TRIM55: variants seen among roughly 807,000 people sequenced by gnomAD.
The protein encoded by TRIM55 is tripartite motif containing 55, also known as tripartite motif-containing protein 55.
TRIM55 carries 50 observed loss-of-function variants against 60.9 expected under a neutral mutation model. The ratio of observed to expected loss-of-function variants is 0.82; its 90% confidence interval spans 0.65 to 1.04. The LOEUF (loss-of-function observed/expected upper bound fraction) is 1.04. Ranked by LOEUF, TRIM55 falls within the 50% of genes least tolerant of loss-of-function variation. The pLI is 0.00. For synonymous variants in TRIM55, 237 were observed against 238.1 expected, an observed-to-expected ratio of 1.00 and a Z score of 0.04; for missense variants, 681 against 666.9, an observed-to-expected ratio of 1.02 and a Z score of -0.23.
At chr8:66,124,711 C>A (rs1160490181), upstream of TRIM55, among the ~76,000 whole-genome samples, 1 of 152,254 alleles carries the variant, frequency 6.6e-6, no homozygotes, top group Non-Finnish European at 1.5e-5. Flanking sequence ...CCACGTTATT[C>A]CTAAATAAGA....
At chr8:66,161,755 G>T (rs1259353315) in intron 9 of TRIM55, among the ~76,000 whole-genome samples, 6 of 132,144 alleles carry the variant, frequency 4.5e-5, no homozygotes, top group African/African-American at 5.7e-5. Context: ...TATTCCTAAG[G>T]TTTTTTTTTT....
chr8:66,145,025 A>G (rs186464843), intron 4 of TRIM55, among the ~76,000 whole-genome samples: 4,352 of 152,270 alleles, frequency 0.029, 79 homozygotes, highest in Non-Finnish European at 0.045. Flanking sequence ...GTGGCCTCTG[A>G]GAACATTTTT....
chr8:66,129,863 C>T (rs942593953), intron 2 of TRIM55, among the ~76,000 whole-genome samples: 2 of 152,220 alleles, frequency 1.3e-5, no homozygotes, highest in Non-Finnish European at 2.9e-5. Flanking sequence ...ACAAGAGTTT[C>T]AGTGCTAGTC....
At chr8:66,122,856 C>T (rs929991271), upstream of TRIM55, among the ~76,000 whole-genome samples, 5 of 152,208 alleles carry the variant, frequency 3.3e-5, no homozygotes, top group Non-Finnish European at 7.3e-5. Context: ...TCTAGTATAG[C>T]ATCGTATGAC....
chr8:66,159,899 C>T (rs1810952209), intron 9 of TRIM55, among the ~76,000 whole-genome samples: 1 of 152,146 alleles, frequency 6.6e-6, no homozygotes, highest in Admixed American at 6.5e-5. Flanking sequence ...GTTTATCTTC[C>T]TAGAAGTTCT....
chr8:66,159,340 ATTTG>A (rs886124116), intron 9 of TRIM55, among the ~76,000 whole-genome samples: 19 of 152,174 alleles, frequency 1.2e-4, no homozygotes, highest in African/African-American at 4.6e-4. Flanking sequence ...TGCTTCTGAG[ATTTG>A]TTTATTTTGT....
the TRIM55 span, among the ~76,000 whole-genome samples, chr8:66,120,950 C>G: frequency 6.6e-6 from 1 of 152,190 alleles, no homozygotes; most frequent in Non-Finnish European, 1.5e-5. Context: ...TCAGGACAGA[C>G]CATGCCCTTT....
chr8:66,145,405 A>G (rs867726430), intron 4 of TRIM55, among the ~76,000 whole-genome samples: 20 of 152,242 alleles, frequency 1.3e-4, no homozygotes, highest in Admixed American at 4.6e-4. Flanking sequence ...AAAGCTAATT[A>G]AACAAGAGAA....
chr8:66,151,021 A>C (rs1479819093), intron 7 of TRIM55, among the ~76,000 whole-genome samples: 2 of 152,236 alleles, frequency 1.3e-5, no homozygotes, highest in African/African-American at 4.8e-5. Context: ...CAAATGCTTC[A>C]TAATTGATAA....
At chr8:66,139,269 G>A (rs945224968) in intron 4 of TRIM55, among the ~76,000 whole-genome samples, 7 of 152,120 alleles carry the variant, frequency 4.6e-5, no homozygotes, top group African/African-American at 1.4e-4. Context: ...GGGCTTTACC[G>A]GAGATGTCTG....
intron 4 of TRIM55, among the ~76,000 whole-genome samples, chr8:66,137,756 C>G: frequency 1.0e-5 from 1 of 99,932 alleles, no homozygotes; most frequent in Non-Finnish European, 2.1e-5. Flanking sequence ...ATAATCAACA[C>G]TGAAAAAAAA....
intron 4 of TRIM55, among the ~76,000 whole-genome samples, chr8:66,143,686 A>G (rs1468245986): frequency 4.6e-5 from 7 of 152,126 alleles, no homozygotes; most frequent in African/African-American, 1.7e-4. Flanking sequence ...TGAAGGCTGA[A>G]TATTTCTAGA....
the TRIM55 span, among the ~76,000 whole-genome samples, chr8:66,119,543 G>A: frequency 6.6e-6 from 1 of 152,190 alleles, no homozygotes; most frequent in Non-Finnish European, 1.5e-5. Flanking sequence ...GAATCTTCAG[G>A]ATTCTTTGGG....
chr8:66,166,327 TGG>T (rs1413104378), intron 9 of TRIM55, among the ~76,000 whole-genome samples: 1 of 152,248 alleles, frequency 6.6e-6, no homozygotes, highest in Non-Finnish European at 1.5e-5. Flanking sequence ...AACACAGCTC[TGG>T]GAGAGCTCTC....
At chr8:66,116,690 A>T in the TRIM55 span, among the ~76,000 whole-genome samples, 1 of 70,304 alleles carries the variant, frequency 1.4e-5, no homozygotes, top group Non-Finnish European at 2.3e-5. Flanking sequence ...CATAAAGAGA[A>T]CACCAGCCCC....
chr8:66,152,535 G>T lies in TRIM55; in HGVS notation c.1144G>T (p.Val382Leu). The T allele has an allele frequency of 6.2e-7, 1 of 1,614,158 alleles. No homozygotes were observed. The highest frequency in any genetic ancestry group is 2.2e-5 in the East Asian group (1 of 44,876). The change falls in exon 8 of 10, where the codon GTG becomes TTG. Residue 382 changes from valine (V) to leucine (L), a missense_variant. Physicochemically the swap from Val to Leu is conservative, Grantham distance 32. Coordinates refer to ENST00000315962, the MANE Select transcript of TRIM55 (RefSeq NM_184085.2). ...AGAAAAAGCTTCAGAGCTCTCTCAGGTGGAGCTGCAGGCTGCCCCTGGGGC... is the reference window on the plus strand; with the variant it reads ...AGAAAAAGCTTCAGAGCTCTCTCAGTTGGAGCTGCAGGCTGCCCCTGGGGC... ...NPEKASELSQ[V>L]ELQAAPGALP...
intron 2 of TRIM55, among the ~76,000 whole-genome samples, chr8:66,134,473 A>AG (rs1809358787): frequency 6.6e-6 from 1 of 151,924 alleles, no homozygotes. Flanking sequence ...CAGAGGCTGG[A>AG]GGGGGGCGAT....
Position 66,135,130 on chromosome 8 carries a change from T to G in TRIM55, c.482T>G (p.Leu161Arg), listed in dbSNP as rs1374275111. The change falls in exon 3 of 10, where the codon CTC (leucine) becomes CGC (arginine). Residue 161 changes from leucine to arginine, a missense_variant. Transcript: ENST00000315962. Reference sequence around the variant, plus strand: ...CACAAAGACTGCCAGGTGGCTCCCCTCACTCATGTGTTCCAGAGACAGAAG... The same window carrying G: ...CACAAAGACTGCCAGGTGGCTCCCCGCACTCATGTGTTCCAGAGACAGAAG... ...GAHKDCQVAP[L>R]THVFQRQKSE... The G allele has an allele frequency of 5.0e-6, 8 of 1,613,960 alleles. No homozygotes were observed. In the Admixed American group the frequency reaches 5.0e-5, roughly 10 times the overall value.
the TRIM55 span, among the ~76,000 whole-genome samples, chr8:66,117,904 A>C: frequency 2.0e-5 from 3 of 151,970 alleles, no homozygotes; most frequent in Non-Finnish European, 4.4e-5. Context: ...CGGTGGCTCA[A>C]GCCTGTAATC....
Sources: gnomAD v4.1 joint callset for allele counts (sites outside exome capture counted in the v4.1 genomes callset) on GRCh38, gnomAD v4.1.1 for gene constraint, MANE v1.5 for transcripts, NCBI Gene and HGNC (gene_info 2026-07-23, HGNC 2026-07-21) for gene names.